Variants in FNBP4 observed in about 807,000 individuals in gnomAD.
FNBP4 encodes the protein formin binding protein 4, also known as formin-binding protein 4.
Under a neutral mutation model 119.3 loss-of-function variants are expected in FNBP4, and 34 were observed. The ratio of observed to expected loss-of-function variants is 0.28; its 90% confidence interval spans 0.22 to 0.38. The LOEUF is 0.38. Among genes scored for constraint, FNBP4 ranks in the 10% least tolerant of loss-of-function variants. FNBP4 has a pLI of 1.00. For synonymous variants in FNBP4, 462 were observed against 430.6 expected (o/e 1.07, Z -0.90); for missense variants, 1,112 against 1,228.9 (o/e 0.90, Z 1.42).
At chr11:47,729,331 C>T in intron 12 of FNBP4, 2 of 985,186 alleles carry the variant, frequency 2.0e-6, no homozygotes, top group Non-Finnish European at 2.4e-6. Context: ...GACATAAGCC[C>T]AATATAAAAG....
chr11:47,739,709 G>A (rs1358238451), intron 8 of FNBP4, among the ~76,000 whole-genome samples: 1 of 152,182 alleles, frequency 6.6e-6, no homozygotes, highest in Non-Finnish European at 1.5e-5. Flanking sequence ...AGCATCAATT[G>A]AGCCCATGAA....
At chr11:47,754,753 T>C in intron 2 of FNBP4, 89 bp from the exon 3 acceptor site, 1 of 1,424,548 alleles carries the variant, frequency 7.0e-7, no homozygotes, top group East Asian at 2.3e-5. Context: ...ATGTTTTTTT[T>C]AAACTTACTT....
At chr11:47,723,442 T>C (rs2097557932) in intron 14 of FNBP4, 126 bp from the exon 15 acceptor site, 1 of 1,429,630 alleles carries the variant, frequency 7.0e-7, no homozygotes, top group Non-Finnish European at 9.3e-7. Flanking sequence ...CTAAAAAGCA[T>C]AGCCATATTT....
Position 47,724,970 on chromosome 11 carries a change from T to C in FNBP4, c.2009-192A>G, listed in dbSNP as rs2097559453. 7.1e-6 allele frequency: 4 copies of C among 563,800 alleles called. No homozygotes were observed. The South Asian group carries it at 1.5e-4, about 21-fold the overall frequency. The allele number at this position is 563,800 out of a possible 1,614,324, so 34.9% of individuals were successfully genotyped here. The stretch of plus-strand genomic sequence containing the variant: ...GAAAAAAATTTGGCCCACAGGCATC[T>C]ATTCTATACTGATATCGCTAAAATA... On this transcript the variant is annotated intron_variant, in intron 12 of 16. Transcript: ENST00000263773.
chr11:47,744,408 G>C (rs774476957), intron 7 of FNBP4, among the ~76,000 whole-genome samples: 8 of 130,982 alleles, frequency 6.1e-5, no homozygotes, highest in Non-Finnish European at 1.3e-4. Flanking sequence ...CAAGTAGCTG[G>C]AACTACAGGC....
intron 2 of FNBP4, among the ~76,000 whole-genome samples, chr11:47,763,002 C>T (rs941776003): frequency 1.7e-4 from 25 of 150,858 alleles, no homozygotes; most frequent in African/African-American, 5.8e-4. Flanking sequence ...TCCCAAAGCA[C>T]TAGGATTACA....
chr11:47,723,310 T>C lies in FNBP4; in HGVS notation c.2471A>G (p.Gln824Arg). The C allele has an allele frequency of 6.2e-7, 1 of 1,606,636 alleles. No individual in the cohort carries two copies. Among genetic ancestry groups the C allele is most frequent in the African/African-American group, 1.3e-5 (1 of 74,890 alleles). The change falls in exon 15 of 17, where the codon CAG becomes CGG. Residue 824 changes from glutamine to arginine, a missense_variant. By Grantham distance (43) the Gln-to-Arg change is conservative (BLOSUM62 1). Around this residue, in one of 2 missense-constraint regions of FNBP4, gnomAD observed 826 missense variants for 988.8 expected, o/e 0.84. Transcript: ENST00000263773. ...TGCCTGGTTTCCAATCCCTGCTGCCTGGTGACCTAACACAGAAAACATAAA... is the reference window on the plus strand; with the variant it reads ...TGCCTGGTTTCCAATCCCTGCTGCCCGGTGACCTAACACAGAAAACATAAA... ...YSQSAIATGH[Q>R]AAGIGNQATG...
At chr11:47,718,376 G>A (rs926249833) in intron 16 of FNBP4, among the ~76,000 whole-genome samples, 1 of 151,898 alleles carries the variant, frequency 6.6e-6, no homozygotes, top group African/African-American at 2.4e-5. Flanking sequence ...ACCATGTCCA[G>A]CTAATTTTTA....
chr11:47,765,442 G>A (rs1255247824), intron 1 of FNBP4, 80 bp from the exon 2 acceptor site: 16 of 1,022,586 alleles, frequency 1.6e-5, no homozygotes, highest in Non-Finnish European at 2.2e-5. Context: ...CCAGACCAGA[G>A]AAAACACTAG....
chr11:47,754,393 GA>G (rs2135245361), intron 3 of FNBP4, 134 bp downstream of exon 3: 1 of 835,616 alleles, frequency 1.2e-6, no homozygotes, highest in Non-Finnish European at 1.9e-6. Flanking sequence ...GAGATCGGGA[GA>G]AATACAAGAG....
At chr11:47,727,124 G>T (rs149851658) in intron 12 of FNBP4, 4 of 152,114 alleles carry the variant, frequency 2.6e-5, no homozygotes, top group African/African-American at 9.7e-5. Flanking sequence ...TAATAATGTG[G>T]TTTATGACCT....
In FNBP4 at chr11:47,756,278, T is replaced by C. The variant is rs534697694; in HGVS notation, c.314-1614A>G. 2.6e-5 allele frequency among the ~76,000 whole-genome samples: 4 copies of C among 152,278 alleles called. 1 individual carries two copies. Among genetic ancestry groups the C allele is most frequent in the Admixed American group, 2.6e-4 (4 of 15,280 alleles). On this transcript the variant is annotated intron_variant, in intron 2 of 16. Transcript: ENST00000263773. ...TTATATGTATTATAAACACATAAAA[T>C]GTTAAATTCTAGCTAGACTTTTCCA...
intron 1 of FNBP4, among the ~76,000 whole-genome samples, chr11:47,765,581 G>GT: frequency 1.5e-5 from 1 of 68,618 alleles, no homozygotes; most frequent in South Asian, 6.0e-4. Flanking sequence ...GGGGGGGGGG[G>GT]GCCACTTGAG....
chr11:47,752,925 G>A lies in FNBP4; in HGVS notation c.628C>T (p.Leu210=). The A allele has an allele frequency of 6.2e-7, 1 of 1,611,404 alleles. No individual in the cohort carries two copies. The highest frequency in any genetic ancestry group is 8.5e-7 in the Non-Finnish European group (1 of 1,178,580). ...AAAGGATCAAGTTTACCTCCTGCCA[G>A]TGAACACTGAGTATCATATTGCCAA... ...SGWQYDTQCS[L]AGVGIEMGDW... The change falls in exon 4 of 17, where the codon CTG becomes TTG. Residue 210 remains leucine, a synonymous_variant. Transcript: ENST00000263773.
intron 7 of FNBP4, among the ~76,000 whole-genome samples, chr11:47,745,717 T>C (rs539906324): frequency 2.2e-4 from 34 of 152,258 alleles, no homozygotes; most frequent in African/African-American, 6.7e-4. Flanking sequence ...GTGGGCATCA[T>C]AGTCCTACCG....
At chr11:47,766,072 C>A (rs1388780460) in intron 1 of FNBP4, among the ~76,000 whole-genome samples, 3 of 151,982 alleles carry the variant, frequency 2.0e-5, no homozygotes, top group Admixed American at 6.6e-5. Flanking sequence ...CATGGCCGGG[C>A]GCGATGGCTC....
At chr11:47,733,454 G>T (rs2097569937) in intron 10 of FNBP4, among the ~76,000 whole-genome samples, 1 of 151,976 alleles carries the variant, frequency 6.6e-6, no homozygotes, top group Non-Finnish European at 1.5e-5. Flanking sequence ...TCCTGCCTCA[G>T]CTTCCCGAGT....
intron 7 of FNBP4, 52 bp from the exon 8 acceptor site, chr11:47,744,215 T>A: frequency 7.2e-7 from 1 of 1,385,548 alleles, no homozygotes; most frequent in Non-Finnish European, 1.0e-6. Flanking sequence ...TATTAATATG[T>A]ATAATCAGAA....
At chr11:47,734,650 T>C (rs527346559) in intron 9 of FNBP4, among the ~76,000 whole-genome samples, 21 of 152,158 alleles carry the variant, frequency 1.4e-4, no homozygotes, top group African/African-American at 4.8e-4. Flanking sequence ...TGGGGAGATG[T>C]TGGTCAAAGA....
Sources: gnomAD v4.1 joint callset for allele counts (sites outside exome capture counted in the v4.1 genomes callset) on GRCh38, gnomAD v4.1.1 for gene constraint, gnomAD v4.1.1 regional missense constraint, MANE v1.5 for transcripts, NCBI Gene and HGNC (gene_info 2026-07-23, HGNC 2026-07-21) for gene names.